KLF8: variants seen among roughly 807,000 people sequenced by gnomAD.
KLF8 encodes the protein Krueppel-like factor 8.
A neutral mutation model predicts 18.2 loss-of-function variants in KLF8; 10 were observed. The ratio of observed to expected loss-of-function variants is 0.55; its 90% CI spans 0.34 to 0.93. The LOEUF is 0.93. KLF8 is among the 40% of genes least tolerant of loss of function. KLF8 has a pLI of 0.02. For synonymous variants in KLF8, 109 were observed against 97.3 expected (o/e 1.12, Z -0.71); for missense variants, 264 against 277.9 (o/e 0.95, Z 0.36).
chrX:56,073,589 C>T, the KLF8 span, among the ~76,000 whole-genome samples: 2 of 111,210 alleles, frequency 1.8e-5, no homozygotes, highest in Non-Finnish European at 3.8e-5. Context: ...ACAGTGGCTG[C>T]ACCATTTTAT....
chrX:56,252,667 G>T (rs149556728), intron 2 of KLF8, among the ~76,000 whole-genome samples: 233 of 112,151 alleles, frequency 2.1e-3, no homozygotes, highest in Middle Eastern at 4.6e-3. Flanking sequence ...ATTGTGAATA[G>T]TGCTGCAACA....
the KLF8 span, among the ~76,000 whole-genome samples, chrX:56,111,724 G>GA: frequency 9.0e-6 from 1 of 111,442 alleles, no homozygotes; most frequent in Middle Eastern, 4.6e-3. Context: ...ACAAACATAT[G>GA]AAAAAAAAGC....
At chrX:56,204,229 G>A in the KLF8 span, among the ~76,000 whole-genome samples, 3 of 111,847 alleles carry the variant, frequency 2.7e-5, no homozygotes, top group African/African-American at 9.7e-5. Flanking sequence ...ACTGTTCACT[G>A]TTGGCATATA....
At chrX:55,966,625 A>G in the KLF8 span, among the ~76,000 whole-genome samples, 1 of 112,184 alleles carries the variant, frequency 8.9e-6, no homozygotes, top group African/African-American at 3.2e-5. Flanking sequence ...AAGTCCATTT[A>G]GATACCTGGC....
At chrX:55,941,330 C>A in the KLF8 span, among the ~76,000 whole-genome samples, 42 of 111,981 alleles carry the variant, frequency 3.8e-4, no homozygotes, top group Non-Finnish European at 7.1e-4. Flanking sequence ...AAGAAAGCTG[C>A]AACTGGATCC....
chrX:55,937,236 C>T, the KLF8 span, among the ~76,000 whole-genome samples: 425 of 111,647 alleles, frequency 3.8e-3, no homozygotes, highest in Non-Finnish European at 6.3e-3. Context: ...TGTTCTGCAG[C>T]GACCACTGCT....
chrX:56,124,139 T>C, the KLF8 span, among the ~76,000 whole-genome samples: 1 of 111,858 alleles, frequency 8.9e-6, no homozygotes, highest in Non-Finnish European at 1.9e-5. Context: ...AGCAGGAAGC[T>C]CAAAACAAAT....
the KLF8 span, among the ~76,000 whole-genome samples, chrX:56,051,503 G>T: frequency 3.6e-5 from 4 of 109,723 alleles, no homozygotes; most frequent in African/African-American, 6.7e-5. Flanking sequence ...GTCTGTAAAG[G>T]ATTTTATTTC....
At chrX:56,206,586 A>G in the KLF8 span, among the ~76,000 whole-genome samples, 1 of 112,555 alleles carries the variant, frequency 8.9e-6, no homozygotes, top group Non-Finnish European at 1.9e-5. Context: ...GGTTATGCTG[A>G]TGCAAGAGGT....
chrX:56,030,759 G>C, the KLF8 span, among the ~76,000 whole-genome samples: 1 of 107,895 alleles, frequency 9.3e-6, no homozygotes, highest in Admixed American at 1.0e-4. Context: ...GAGGGGCACT[G>C]TTGGTGCCAT....
chrX:56,198,390 T>A, the KLF8 span, among the ~76,000 whole-genome samples: 1 of 112,141 alleles, frequency 8.9e-6, no homozygotes, highest in Non-Finnish European at 1.9e-5. Flanking sequence ...TTCAGCAAAG[T>A]CTCAGGATAG....
the KLF8 span, among the ~76,000 whole-genome samples, chrX:55,965,299 A>G: frequency 8.9e-6 from 1 of 112,391 alleles, no homozygotes; most frequent in Non-Finnish European, 1.9e-5. Flanking sequence ...GGTGATGACA[A>G]TAGTTGAAGA....
the KLF8 span, among the ~76,000 whole-genome samples, chrX:56,081,094 A>T: frequency 2.7e-5 from 3 of 111,358 alleles, no homozygotes; most frequent in Non-Finnish European, 5.6e-5. Context: ...TTTGGTTTGA[A>T]TGTCCTCCCT....
the KLF8 span, among the ~76,000 whole-genome samples, chrX:56,161,760 G>A: frequency 9.0e-6 from 1 of 111,731 alleles, no homozygotes; most frequent in Non-Finnish European, 1.9e-5. Context: ...GAAGCCTTCT[G>A]CTCTCAACTC....
chrX:56,210,577 C>A, the KLF8 span, among the ~76,000 whole-genome samples: 1 of 111,170 alleles, frequency 9.0e-6, no homozygotes, highest in Non-Finnish European at 1.9e-5. Flanking sequence ...ATATTGAGAT[C>A]TTTCTCTAGG....
chrX:55,918,177 C>T, the KLF8 span, among the ~76,000 whole-genome samples: 2 of 112,047 alleles, frequency 1.8e-5, no homozygotes, highest in Admixed American at 9.5e-5. Context: ...TAGCACTAGA[C>T]TCAGCAGTCT....
chrX:56,245,531 T>A (rs1252633835), intron 1 of KLF8, among the ~76,000 whole-genome samples: 1 of 112,093 alleles, frequency 8.9e-6, no homozygotes, highest in Non-Finnish European at 1.9e-5. Flanking sequence ...CCACTGGCGA[T>A]GGGACTCAAT....
At chrX:56,145,551 C>T in the KLF8 span, among the ~76,000 whole-genome samples, 6 of 112,073 alleles carry the variant, frequency 5.4e-5, no homozygotes, top group South Asian at 2.2e-3. Context: ...AGAACCAACA[C>T]AAATATCCAT....
At chrX:56,017,476 G>A in the KLF8 span, among the ~76,000 whole-genome samples, 3 of 112,331 alleles carry the variant, frequency 2.7e-5, no homozygotes, top group East Asian at 2.8e-4. Context: ...ATAGTAGAAC[G>A]GGGAAGCGCA....
Sources: allele counts gnomAD v4.1 joint callset (sites outside exome capture counted in the v4.1 genomes callset), GRCh38; gene constraint gnomAD v4.1.1; transcripts MANE v1.5; gene names NCBI Gene and HGNC (gene_info 2026-07-23, HGNC 2026-07-21).